Variants in XRCC4 observed in about 807,000 individuals in gnomAD.
XRCC4 encodes X-ray repair cross complementing 4, also known as DNA repair protein XRCC4.
A neutral mutation model predicts 39.1 loss-of-function variants in XRCC4; 28 were observed. The observed-to-expected ratio is 0.72, with a 90% CI of 0.53 to 0.98. XRCC4 has a LOEUF of 0.98. Among genes scored for constraint, XRCC4 ranks in the 50% least tolerant of loss-of-function variants. The pLI is 0.00. For missense variants in XRCC4, 350 were observed against 376.4 expected, an observed-to-expected ratio of 0.93 and a Z score of 0.58; for synonymous variants, 123 against 126.4, an observed-to-expected ratio of 0.97 and a Z score of 0.18.
chr5:83,292,205 T>C (rs1324956453), intron 7 of XRCC4, among the ~76,000 whole-genome samples: 2 of 151,906 alleles, frequency 1.3e-5, no homozygotes, highest in Non-Finnish European at 2.9e-5. Context: ...CTTCACAGGC[T>C]ATAGCCCTTG....
chr5:83,083,992 AT>A (rs1460253037), intron 1 of XRCC4, among the ~76,000 whole-genome samples: 1 of 152,142 alleles, frequency 6.6e-6, no homozygotes, highest in African/African-American at 2.4e-5. Flanking sequence ...AACTTATATT[AT>A]AATTCTGTTT....
rs1580328623 is a variant in XRCC4, at chr5:83,173,969, TG to T, written c.316-21798del. Among the ~76,000 whole-genome samples the T allele has an allele frequency of 2.0e-5, 3 of 152,214 alleles. No homozygotes were observed. In the East Asian group the frequency reaches 5.8e-4, roughly 29 times the overall value. ...TGTGTTTATCCAATTTAGCAATACCTGGGTGTCAAATTTATTTATCCAAAAC... is the reference window on the plus strand; with the variant it reads ...TGTGTTTATCCAATTTAGCAATACCTGGTGTCAAATTTATTTATCCAAAAC... On this transcript the variant is annotated intron_variant, in intron 3 of 7. Transcript: ENST00000396027.
chr5:83,286,170 G>A (rs955278589), intron 7 of XRCC4, among the ~76,000 whole-genome samples: 18 of 152,058 alleles, frequency 1.2e-4, no homozygotes, highest in Admixed American at 7.2e-4. Flanking sequence ...GTCTGTCTGC[G>A]TGAATTTCAC....
At chr5:83,145,021 G>T (rs953671174) in intron 3 of XRCC4, among the ~76,000 whole-genome samples, 2 of 151,898 alleles carry the variant, frequency 1.3e-5, no homozygotes, top group African/African-American at 4.8e-5. Context: ...TCAGCCTCCC[G>T]AGTAGCTGGG....
chr5:83,099,119 G>C (rs768155433), intron 1 of XRCC4, among the ~76,000 whole-genome samples: 3 of 152,248 alleles, frequency 2.0e-5, no homozygotes, highest in Non-Finnish European at 2.9e-5. Context: ...ACTATTAACA[G>C]CATATGCTGT....
chr5:83,205,727 A>G (rs1452662326), intron 6 of XRCC4, among the ~76,000 whole-genome samples: 1 of 152,194 alleles, frequency 6.6e-6, no homozygotes, highest in Non-Finnish European at 1.5e-5. Context: ...AGGGAAACAT[A>G]TAAGATGAAT....
intron 6 of XRCC4, among the ~76,000 whole-genome samples, chr5:83,253,398 T>C (rs962201630): frequency 6.6e-6 from 1 of 152,156 alleles, no homozygotes; most frequent in African/African-American, 2.4e-5. Context: ...ATTTTTTTTT[T>C]TCATGGTCAA....
intron 7 of XRCC4, among the ~76,000 whole-genome samples, chr5:83,260,885 C>T (rs556356235): frequency 1.3e-5 from 2 of 152,022 alleles, no homozygotes; most frequent in South Asian, 4.1e-4. Context: ...AGGCAGACTG[C>T]CCCTAAGTAG....
At chr5:83,293,110 C>G (rs1292911988) in intron 7 of XRCC4, among the ~76,000 whole-genome samples, 5 of 151,778 alleles carry the variant, frequency 3.3e-5, no homozygotes, top group Non-Finnish European at 4.4e-5. Flanking sequence ...ACTAAGCCTA[C>G]CTTCCCATGG....
chr5:83,336,494 C>G (rs917426416), intron 7 of XRCC4, among the ~76,000 whole-genome samples: 6 of 152,036 alleles, frequency 3.9e-5, no homozygotes, highest in African/African-American at 1.4e-4. Flanking sequence ...AATGGGGTCA[C>G]ATTTCAGAAT....
intron 6 of XRCC4, among the ~76,000 whole-genome samples, chr5:83,218,625 GT>G (rs1477031889): frequency 6.6e-6 from 1 of 151,808 alleles, no homozygotes; most frequent in Admixed American, 6.6e-5. Context: ...GTTTTGTTTT[GT>G]TTTTTTACCA....
chr5:83,300,050 G>C (rs1316670577), intron 7 of XRCC4, among the ~76,000 whole-genome samples: 1 of 152,142 alleles, frequency 6.6e-6, no homozygotes, highest in Non-Finnish European at 1.5e-5. Flanking sequence ...CTACTGCTTT[G>C]TACGTACACT....
chr5:83,221,455 C>A (rs2112788717), intron 6 of XRCC4, among the ~76,000 whole-genome samples: 1 of 152,184 alleles, frequency 6.6e-6, no homozygotes, highest in South Asian at 2.1e-4. Flanking sequence ...CCCTCCTATC[C>A]TAAAGTTCTT....
chr5:83,239,560 T>G (rs977249602), intron 6 of XRCC4, among the ~76,000 whole-genome samples: 1 of 152,216 alleles, frequency 6.6e-6, no homozygotes, highest in African/African-American at 2.4e-5. Context: ...CTGGGCGCAG[T>G]GGCTCACGCC....
At position 83,195,845 on chromosome 5, in the gene XRCC4, T is replaced by A; in HGVS notation, c.391T>A (p.Leu131Met). 2 of 1,612,440 alleles carry A rather than the reference T, an allele frequency of 1.2e-6. No homozygotes were observed. The highest frequency in any genetic ancestry group is 1.7e-6 in the Non-Finnish European group (2 of 1,178,992). The change falls in exon 4 of 8, where the codon TTG becomes ATG. Residue 131 changes from leucine (L) to methionine (M), a missense_variant. Physicochemically the swap from Leu to Met is conservative, Grantham distance 15. Transcript: ENST00000396027. ...CATTAGAGAACTTATTTGTTATTGC[T>A]TGGACACCATTGCAGAAAATCAAGC... is the stretch of plus-strand genomic sequence containing the variant. ...EVIRELICYC[L>M]DTIAENQAKN...
At chr5:83,234,829 G>C (rs541118433) in intron 6 of XRCC4, among the ~76,000 whole-genome samples, 1 of 151,834 alleles carries the variant, frequency 6.6e-6, no homozygotes, top group African/African-American at 2.4e-5. Flanking sequence ...AAAATTTTAA[G>C]CCTTAGTTGT....
At chr5:83,213,648 T>A (rs1274080778) in intron 6 of XRCC4, among the ~76,000 whole-genome samples, 3 of 152,184 alleles carry the variant, frequency 2.0e-5, no homozygotes, top group Non-Finnish European at 2.9e-5. Flanking sequence ...AATGAAATTA[T>A]ACCAATTCCT....
At chr5:83,369,085 GAAGT>G in the XRCC4 span, among the ~76,000 whole-genome samples, 3 of 152,088 alleles carry the variant, frequency 2.0e-5, no homozygotes, top group African/African-American at 7.2e-5. Flanking sequence ...TAACTTCTTA[GAAGT>G]GAGTAAAATC....
the XRCC4 span, among the ~76,000 whole-genome samples, chr5:83,359,265 T>C: frequency 5.3e-5 from 8 of 152,220 alleles, 1 homozygote; most frequent in African/African-American, 1.4e-4. Flanking sequence ...GCTATTGATA[T>C]AGGGCTCAGA....
Sources: gnomAD v4.1 joint callset for allele counts (sites outside exome capture counted in the v4.1 genomes callset) on GRCh38, gnomAD v4.1.1 for gene constraint, MANE v1.5 for transcripts, NCBI Gene and HGNC (gene_info 2026-07-23, HGNC 2026-07-21) for gene names.